ATRNL1: variants seen among roughly 807,000 people sequenced by gnomAD.
ATRNL1 encodes attractin-like protein 1.
ATRNL1 carries 95 observed loss-of-function variants against 182.7 expected under a neutral mutation model. The ratio of observed to expected loss-of-function variants is 0.52; its 90% CI spans 0.44 to 0.62. The LOEUF (loss-of-function observed/expected upper bound fraction) is 0.62. Ranked by LOEUF, ATRNL1 falls within the 20% of genes least tolerant of loss-of-function variation. The pLI, the probability that ATRNL1 is intolerant of heterozygous loss-of-function variation, is 0.00. For missense variants in ATRNL1, 1,471 were observed against 1,679.5 expected, an observed-to-expected ratio of 0.88 and a Z score of 2.17; for synonymous variants, 576 against 568.3, an observed-to-expected ratio of 1.01 and a Z score of -0.19.
intron 13 of ATRNL1, among the ~76,000 whole-genome samples, chr10:115,275,793 A>T (rs1238426452): frequency 1.3e-5 from 2 of 152,148 alleles, no homozygotes; most frequent in East Asian, 3.9e-4. Flanking sequence ...CAGATCTTAA[A>T]GGACAAATCC....
chr10:115,884,178 C>A (rs1555109246), intron 28 of ATRNL1, among the ~76,000 whole-genome samples: 3 of 152,110 alleles, frequency 2.0e-5, no homozygotes, highest in Non-Finnish European at 4.4e-5. Context: ...TCACATTTTA[C>A]CTCATTTCTC....
chr10:115,849,625 C>A (rs1344731316), intron 28 of ATRNL1, among the ~76,000 whole-genome samples: 1 of 152,110 alleles, frequency 6.6e-6, no homozygotes, highest in Non-Finnish European at 1.5e-5. Flanking sequence ...GTACTTTACT[C>A]TTTCTAAAAT....
At chr10:115,301,715 T>C in intron 16 of ATRNL1, 140 bp from the exon 17 acceptor site, 3 of 601,706 alleles carry the variant, frequency 5.0e-6, no homozygotes, top group Non-Finnish European at 7.8e-6. Context: ...ATCATCTTTG[T>C]TTTTATCTAC....
intron 18 of ATRNL1, among the ~76,000 whole-genome samples, chr10:115,330,401 C>A (rs1318860956): frequency 6.6e-6 from 1 of 152,022 alleles, no homozygotes; most frequent in Non-Finnish European, 1.5e-5. Flanking sequence ...TTTTGTTACA[C>A]ATTAGGATTA....
chr10:115,575,960 G>A (rs1316895311), intron 26 of ATRNL1, among the ~76,000 whole-genome samples: 3 of 151,982 alleles, frequency 2.0e-5, no homozygotes, highest in Non-Finnish European at 4.4e-5. Context: ...ATTTGAACTT[G>A]TTTTAGGTAT....
At chr10:115,522,096 G>A (rs1261297030) in intron 25 of ATRNL1, among the ~76,000 whole-genome samples, 1 of 152,088 alleles carries the variant, frequency 6.6e-6, no homozygotes, top group African/African-American at 2.4e-5. Flanking sequence ...CCAGTACTAG[G>A]GAGATCACTT....
rs377041733 is a variant in ATRNL1 at position 115,727,280 on chromosome 10, C to T, written c.3828C>T (p.Ser1276=). 127 of 1,613,980 alleles carry T rather than the reference C, an allele frequency of 7.9e-5. No homozygotes were observed. Among genetic ancestry groups the T allele is most frequent in the Non-Finnish European group, 1.1e-4 (125 of 1,179,984 alleles). The change falls in exon 27 of 29, where the codon AGC becomes AGT. Residue 1276 remains serine, a synonymous_variant. Coordinates refer to ENST00000355044, the MANE Select transcript of ATRNL1 (RefSeq NM_207303.4). The stretch of plus-strand genomic sequence containing the variant: ...TTCGAGAACGACAGCAGATGGCCAG[C>T]CGTCCCTTTGCTTCTGTTGATGTAG... ...QLLRERQQMA[S]RPFASVDVAL... is the part of the protein sequence containing the mutation.
intron 27 of ATRNL1, among the ~76,000 whole-genome samples, chr10:115,738,270 G>T (rs1284191861): frequency 2.2e-5 from 2 of 92,610 alleles, no homozygotes; most frequent in Non-Finnish European, 4.7e-5. Context: ...CCAGTCTGTA[G>T]CTGGGGTTAT....
chr10:115,361,001 G>A (rs1554944061), intron 19 of ATRNL1, among the ~76,000 whole-genome samples: 1 of 151,742 alleles, frequency 6.6e-6, no homozygotes, highest in African/African-American at 2.4e-5. Context: ...CTCTTAATAG[G>A]GATGCTCACA....
At chr10:115,888,381 T>C (rs1952001726) in intron 28 of ATRNL1, among the ~76,000 whole-genome samples, 1 of 152,186 alleles carries the variant, frequency 6.6e-6, no homozygotes, top group Non-Finnish European at 1.5e-5. Flanking sequence ...GAGTGCAAGC[T>C]CCATTAGGGC....
intron 28 of ATRNL1, among the ~76,000 whole-genome samples, chr10:115,854,007 A>C (rs954660196): frequency 6.6e-6 from 1 of 152,190 alleles, no homozygotes; most frequent in Admixed American, 6.5e-5. Context: ...AACGTGTAAA[A>C]GTGTCTATTA....
intron 26 of ATRNL1, among the ~76,000 whole-genome samples, chr10:115,659,586 T>A (rs1555037136): frequency 2.0e-5 from 3 of 152,148 alleles, no homozygotes; most frequent in African/African-American, 7.2e-5. Context: ...ATTTAATGTA[T>A]TGTAATACAG....
At chr10:115,505,505 A>G (rs183427680) in intron 24 of ATRNL1, among the ~76,000 whole-genome samples, 1 of 152,120 alleles carries the variant, frequency 6.6e-6, no homozygotes, top group East Asian at 1.9e-4. Context: ...AAAAGCAAAC[A>G]AACAAACAAA....
chr10:115,910,954 G>A (rs538685062), intron 28 of ATRNL1, among the ~76,000 whole-genome samples: 1 of 152,184 alleles, frequency 6.6e-6, no homozygotes, highest in African/African-American at 2.4e-5. Context: ...CGTTATCTCA[G>A]TGGATCTTGG....
At chr10:115,891,420 T>C (rs1381103587) in intron 28 of ATRNL1, among the ~76,000 whole-genome samples, 1 of 152,144 alleles carries the variant, frequency 6.6e-6, no homozygotes, top group Non-Finnish European at 1.5e-5. Context: ...AAATACAGAG[T>C]TTCGCAAATA....
chr10:115,744,146 T>G (rs995480751), intron 27 of ATRNL1, among the ~76,000 whole-genome samples: 3 of 152,108 alleles, frequency 2.0e-5, no homozygotes, highest in Non-Finnish European at 4.4e-5. Context: ...CATCATAACA[T>G]CTATGTGTTT....
chr10:115,117,629 A>G (rs1554870398), intron 1 of ATRNL1, among the ~76,000 whole-genome samples: 2 of 152,112 alleles, frequency 1.3e-5, no homozygotes, highest in African/African-American at 4.8e-5. Context: ...GTTGCTTCCA[A>G]ATCTTGGCTA....
intron 15 of ATRNL1, among the ~76,000 whole-genome samples, chr10:115,289,573 T>TG (rs879960984): frequency 6.6e-6 from 1 of 152,004 alleles, no homozygotes; most frequent in Non-Finnish European, 1.5e-5. Context: ...GGGTAAGAGG[T>TG]GGGGGTCTAG....
intron 10 of ATRNL1, among the ~76,000 whole-genome samples, chr10:115,246,661 C>T (rs1165060515): frequency 8.2e-6 from 1 of 122,002 alleles, no homozygotes; most frequent in East Asian, 2.1e-4. Context: ...CCTGGGTTCA[C>T]GCCATTCTCC....
Sources: gnomAD v4.1 joint callset for allele counts (sites outside exome capture counted in the v4.1 genomes callset) on GRCh38, gnomAD v4.1.1 for gene constraint, MANE v1.5 for transcripts, NCBI Gene and HGNC (gene_info 2026-07-23, HGNC 2026-07-21) for gene names.